Variants in TLE2 observed in about 807,000 individuals in gnomAD.
TLE2 encodes the protein transducin-like enhancer protein 2.
In TLE2, 74 loss-of-function variants were observed where a neutral mutation model predicts 97.2. The ratio of observed to expected loss-of-function variants is 0.76; its 90% confidence interval spans 0.63 to 0.92. The LOEUF (loss-of-function observed/expected upper bound fraction) is 0.92. Among genes scored for constraint, TLE2 ranks in the 40% least tolerant of loss-of-function variants. TLE2 has a pLI of 0.00. For missense variants in TLE2, 1,038 were observed against 1,008.7 expected (o/e 1.03, Z -0.39); for synonymous variants, 499 against 432.1 (o/e 1.15, Z -1.92).
At chr19:3,039,046 A>C (rs1410433917) in intron 1 of TLE2, among the ~76,000 whole-genome samples, 1 of 136,370 alleles carries the variant, frequency 7.3e-6, no homozygotes, top group Non-Finnish European at 1.5e-5. Context: ...CACGACTCAA[A>C]AAAAAAATAA....
chr19:3,021,286 T>C (rs1397516446), intron 5 of TLE2, among the ~76,000 whole-genome samples: 1 of 150,580 alleles, frequency 6.6e-6, no homozygotes, highest in Non-Finnish European at 1.5e-5. Flanking sequence ...GCACCTGTAA[T>C]CCCAGCTACT....
At chr19:3,046,628 TCTC>T (rs1467878548), upstream of TLE2, among the ~76,000 whole-genome samples, 1 of 149,198 alleles carries the variant, frequency 6.7e-6, no homozygotes, top group Non-Finnish European at 1.5e-5. Context: ...CCTGTGGGAT[TCTC>T]CTCCCTCCAC....
chr19:3,030,435 C>T (rs1037454841), upstream of TLE2, among the ~76,000 whole-genome samples: 1 of 152,180 alleles, frequency 6.6e-6, no homozygotes, highest in South Asian at 2.1e-4. Flanking sequence ...AGTCAATCAA[C>T]AAACGTGTAC....
At chr19:3,025,488 C>T (rs779390340) in intron 4 of TLE2, 386 of 1,014,342 alleles carry the variant, frequency 3.8e-4, no homozygotes, top group Non-Finnish European at 4.5e-4. Flanking sequence ...CCAGCCCCGG[C>T]TTGGCCCACG....
chr19:3,004,643 C>T (rs216275), intron 17 of TLE2, among the ~76,000 whole-genome samples: 92 of 148,360 alleles, frequency 6.2e-4, no homozygotes, highest in African/African-American at 2.2e-3. Context: ...AGAGGAGCTT[C>T]GGAGTTAGGA....
intron 4 of TLE2, chr19:3,025,588 A>G (rs2089929157): frequency 2.0e-6 from 2 of 985,036 alleles, no homozygotes; most frequent in Admixed American, 1.2e-4. Flanking sequence ...AGATCTCAGC[A>G]CGCCACACTC....
chr19:3,035,796 C>G (rs958898439), intron 1 of TLE2, among the ~76,000 whole-genome samples: 1 of 152,146 alleles, frequency 6.6e-6, no homozygotes, highest in Non-Finnish European at 1.5e-5. Context: ...GGCAGCTCGG[C>G]GCTCCCGGCG....
At chr19:3,012,555 C>T (rs921994647) in intron 11 of TLE2, among the ~76,000 whole-genome samples, 13 of 152,188 alleles carry the variant, frequency 8.5e-5, no homozygotes, top group Non-Finnish European at 1.6e-4. Flanking sequence ...TTAGAAACTC[C>T]GGGATGGGCT....
At chr19:3,015,250 G>A (rs1371058148) in intron 9 of TLE2, among the ~76,000 whole-genome samples, 1 of 152,166 alleles carries the variant, frequency 6.6e-6, no homozygotes, top group Non-Finnish European at 1.5e-5. Flanking sequence ...TGGGATGCTA[G>A]AGTTGGAAAC....
At chr19:3,008,313 C>T (rs961896137) in intron 14 of TLE2, among the ~76,000 whole-genome samples, 2 of 152,192 alleles carry the variant, frequency 1.3e-5, no homozygotes, top group Non-Finnish European at 1.5e-5. Flanking sequence ...ACACTCCAGG[C>T]CAGGAACGTC....
Position 3,014,611 on chromosome 19 carries a change from T to C in TLE2, c.682A>G (p.Ser228Gly). The change falls in exon 10 of 20, where the codon AGC (serine) becomes GGC (glycine). Residue 228 changes from serine (S) to glycine (G), a missense_variant. Transcript: ENST00000262953. ...DEKEPSGPYESDEDKSDYNLV... is the reference protein window; with the variant it reads ...DEKEPSGPYEGDEDKSDYNLV... ...TTGTAATCACTCTTGTCTTCGTCGC[T>C]TTCCTGGGGGAAGATGGGGGAGAGA... 6.3e-7 allele frequency: 1 copy of C among 1,590,884 alleles called. No individual in the cohort carries two copies. Among genetic ancestry groups the C allele is most frequent in the Non-Finnish European group, 8.6e-7 (1 of 1,168,346 alleles).
In TLE2 at chr19:2,997,928, A is replaced by AACTC; in HGVS notation, c.2148_2151dup (p.Cys718GlufsTer3). ...TATTTGTTATTTCTGGAGATGTCAC[A>AACTC]ACTCAGGACTGAGGACGACTCCTTG... On this transcript the variant is annotated frameshift_variant, in exon 20 of 20. Transcript: ENST00000262953. LOFTEE classifies it high-confidence loss of function. 6.2e-7 allele frequency: 1 copy of AACTC among 1,613,080 alleles called. No homozygotes were observed. The highest frequency in any genetic ancestry group is 1.1e-5 in the South Asian group (1 of 90,806).
intron 14 of TLE2, 71 bp from the exon 15 acceptor site, chr19:3,006,740 G>C: frequency 6.6e-7 from 1 of 1,513,806 alleles, no homozygotes. Context: ...GGAGGGCAGG[G>C]AGACGCCTTT....
chr19:3,046,937 C>CCCCTCCTCCTCCCTT (rs1315610782), upstream of TLE2, among the ~76,000 whole-genome samples: 10 of 124,728 alleles, frequency 8.0e-5, no homozygotes, highest in South Asian at 1.7e-3. Context: ...CCTCTGCCTC[C>CCCCTCCTCCTCCCTT]CCCTCCTCCT....
At chr19:3,044,034 G>A (rs1452485065) in intron 1 of TLE2, among the ~76,000 whole-genome samples, 1 of 151,144 alleles carries the variant, frequency 6.6e-6, no homozygotes, top group Non-Finnish European at 1.5e-5. Context: ...GTAGCCAGGC[G>A]TGGTGGTGCA....
rs953894347 is a variant in TLE2, at chr19:3,029,116, CGCGGGGCGA to C, written c.-221_-213del. On this transcript the variant is annotated 5_prime_UTR_variant, in exon 1 of 20. Coordinates refer to ENST00000262953, the MANE Select transcript of TLE2 (RefSeq NM_003260.5). ...GGGAGCCCCTCCCCGGGTTGGGGTGCGCGGGGCGAGCGGGGCGGGCAGGGGCAGCGGCCG... is the reference window on the plus strand; with the variant it reads ...GGGAGCCCCTCCCCGGGTTGGGGTGCGCGGGGCGGGCAGGGGCAGCGGCCG... 4 of 1,159,470 alleles carry C rather than the reference CGCGGGGCGA, an allele frequency of 3.4e-6. No individual in the cohort carries two copies. The highest frequency in any genetic ancestry group is 4.2e-6 in the Non-Finnish European group (4 of 941,352). The allele number at this position is 1,159,470 out of a possible 1,614,324, so 71.8% of individuals were successfully genotyped here.
intron 4 of TLE2, chr19:3,025,415 C>T: frequency 8.8e-7 from 1 of 1,134,382 alleles, no homozygotes; most frequent in Non-Finnish European, 1.1e-6. Context: ...CAGACGCAGA[C>T]ACTCAGAGGT....
In TLE2 at chr19:3,005,931, G is replaced by A. The variant is rs373360448; in HGVS notation, c.1538C>T (p.Pro513Leu). Residue 513 changes from proline to leucine, a missense_variant, in exon 16 of 20, where the codon CCG becomes CTG. Pro to Leu is a moderately conservative substitution (Grantham distance 98, BLOSUM62 -3). Coordinates refer to ENST00000262953, the MANE Select transcript of TLE2 (RefSeq NM_003260.5). ...GCCCACGATCAGACTCCGGCCATCC[G>A]GCAGCAACTTGCAGGAACGAATGTA... ...DNYIRSCKLL[P>L]DGRSLIVGGE... is the part of the protein sequence containing the mutation. The A allele has an allele frequency of 6.2e-6, 10 of 1,611,150 alleles. No homozygotes were observed. Among genetic ancestry groups the A allele is most frequent in the South Asian group, 3.3e-5 (3 of 91,018 alleles).
intron 13 of TLE2, among the ~76,000 whole-genome samples, chr19:3,009,288 G>C (rs1274215788): frequency 6.6e-6 from 1 of 152,300 alleles, no homozygotes; most frequent in South Asian, 2.1e-4. Context: ...ACAGTGTCCC[G>C]AGGCCAAGGC....
Sources: allele counts gnomAD v4.1 joint callset (sites outside exome capture counted in the v4.1 genomes callset), GRCh38; gene constraint gnomAD v4.1.1; transcripts MANE v1.5; gene names NCBI Gene and HGNC (gene_info 2026-07-23, HGNC 2026-07-21).